The following ADAM28 variants were observed in gnomAD, a reference collection of about 807,000 sequenced individuals.
ADAM28 encodes the protein ADAM metallopeptidase domain 28.
In ADAM28, 105 loss-of-function variants were observed where a neutral mutation model predicts 101.2. That is an observed-to-expected ratio of 1.04 (90% CI 0.89 to 1.22). The LOEUF (loss-of-function observed/expected upper bound fraction) is 1.22. ADAM28 is among the 50% of genes most tolerant of loss of function. The probability of loss-of-function intolerance (pLI) is 0.00; values close to 1 mark genes in which losing one functional copy is unlikely to be tolerated. For synonymous variants in ADAM28, 322 were observed against 310.6 expected, an observed-to-expected ratio of 1.04 and a Z score of -0.39; for missense variants, 1,028 against 945.4, an observed-to-expected ratio of 1.09 and a Z score of -1.15.
At chr8:24,325,871 C>CAAAAAAA (rs5890146) in intron 9 of ADAM28, among the ~76,000 whole-genome samples, 362 of 20,446 alleles carry the variant, frequency 0.018, 8 homozygotes, top group East Asian at 0.02. Context: ...GTACAGATAG[C>CAAAAAAA]AAAAAAAAAA....
intron 2 of ADAM28, chr8:24,308,848 G>A (rs1810052001): frequency 5.4e-6 from 2 of 371,892 alleles, no homozygotes; most frequent in Non-Finnish European, 1.1e-5. Flanking sequence ...AACATGCCTT[G>A]TCTGTCTGTG....
At chr8:24,326,067 A>G (rs952339035) in intron 9 of ADAM28, among the ~76,000 whole-genome samples, 10 of 151,794 alleles carry the variant, frequency 6.6e-5, no homozygotes, top group African/African-American at 2.2e-4. Context: ...AACTTATTTG[A>G]ATAATATAAA....
intron 2 of ADAM28, among the ~76,000 whole-genome samples, chr8:24,302,985 G>A (rs1471343685): frequency 7.2e-6 from 1 of 138,004 alleles, no homozygotes; most frequent in Non-Finnish European, 1.5e-5. Context: ...TGTTCTCATT[G>A]TTCAGGGTTG....
Position 24,353,812 on chromosome 8 carries a change from A to G in ADAM28, c.2287A>G (p.Asn763Asp), listed in dbSNP as rs1816455535. Residue 763 changes from asparagine to aspartate, a missense_variant, in exon 22 of 23, where the codon AAT becomes GAT. Coordinates refer to ENST00000265769, the MANE Select transcript of ADAM28 (RefSeq NM_014265.6). Reference sequence around the variant, plus strand: ...ACTTCCCCCTACTGTTTTCAAGGATAATCCAGTGTCTACACCTAAGGTAAG... The same window carrying G: ...ACTTCCCCCTACTGTTTTCAAGGATGATCCAGTGTCTACACCTAAGGTAAG... ...NALPPTVFKD[N>D]PVSTPKDSNP... is the part of the protein sequence containing the mutation. The G allele has an allele frequency of 6.6e-7, 1 of 1,523,854 alleles. No individual in the cohort carries two copies. The highest frequency in any genetic ancestry group is 9.1e-7 in the Non-Finnish European group (1 of 1,098,348). The allele number at this position is 1,523,854 out of a possible 1,614,324, so 94.4% of individuals were successfully genotyped here. A position where few individuals can be genotyped will look rare whatever the true frequency, so the allele number is the denominator to read the frequency against.
In ADAM28 at chr8:24,305,654, G is replaced by A. The variant is rs56091995; in HGVS notation, c.151-4240G>A. The stretch of plus-strand genomic sequence containing the variant: ...TAAATAAACACCATAGATAATTGAA[G>A]AAAAAATTACCTAAACAATTAGAAC... On this transcript the variant is annotated intron_variant, in intron 2 of 22. Coordinates refer to ENST00000265769, the MANE Select transcript of ADAM28 (RefSeq NM_014265.6). 7.9e-5 allele frequency among the ~76,000 whole-genome samples: 12 copies of A among 151,752 alleles called. No individual in the cohort carries two copies. In the East Asian group the frequency reaches 2.3e-3, roughly 29 times the overall value.
At chr8:24,333,684 G>A (rs1173032352) in intron 13 of ADAM28, among the ~76,000 whole-genome samples, 1 of 152,048 alleles carries the variant, frequency 6.6e-6, no homozygotes, top group Non-Finnish European at 1.5e-5. Context: ...TGTGTGTGGT[G>A]GAAGAGGTTT....
chr8:24,323,830 A>G lies in ADAM28; in HGVS notation c.721-4A>G, dbSNP rs1812195930. ...TTGCTTTGCCATTTATTTTCTTTGG[A>G]CAGCTTTATAAAAAGCTCAATACTC... On this transcript the variant is annotated splice_region_variant and splice_polypyrimidine_tract_variant and intron_variant, in intron 8 of 22. Transcript: ENST00000265769. 6.2e-7 allele frequency: 1 copy of G among 1,601,870 alleles called. No homozygotes were observed. Among genetic ancestry groups the G allele is most frequent in the African/African-American group, 1.3e-5 (1 of 74,300 alleles).
At chr8:24,310,996 A>G (rs891269626) in intron 4 of ADAM28, among the ~76,000 whole-genome samples, 1 of 152,234 alleles carries the variant, frequency 6.6e-6, no homozygotes, top group Non-Finnish European at 1.5e-5. Context: ...AAGCTTGTAG[A>G]TCTTTGCTAG....
chr8:24,320,565 A>G (rs1218167686), intron 7 of ADAM28, among the ~76,000 whole-genome samples: 2 of 151,984 alleles, frequency 1.3e-5, no homozygotes, highest in African/African-American at 4.8e-5. Context: ...ACTTAAGAGT[A>G]CCCAACTTAG....
Position 24,349,990 on chromosome 8 carries a change from C to A in ADAM28, c.2099+18C>A, listed in dbSNP as rs1480284440. 2 of 1,608,658 alleles carry A rather than the reference C, an allele frequency of 1.2e-6. No homozygotes were observed. The highest frequency in any genetic ancestry group is 2.7e-5 in the African/African-American group (2 of 74,730). ...GATCAGAGGTGATCCTTTATCTTAT[C>A]TTGCTGTAGGGACTCTTTGACCCCT... is the stretch of plus-strand genomic sequence containing the variant. On this transcript the variant is annotated intron_variant, in intron 19 of 22. Coordinates refer to ENST00000265769, the MANE Select transcript of ADAM28 (RefSeq NM_014265.6).
chr8:24,298,048 A>C (rs1310455527), intron 1 of ADAM28, among the ~76,000 whole-genome samples: 1 of 152,204 alleles, frequency 6.6e-6, no homozygotes, highest in African/African-American at 2.4e-5. Flanking sequence ...ATCAGAATTC[A>C]GTTATCCTAA....
At chr8:24,345,310 T>C (rs949408279) in intron 18 of ADAM28, among the ~76,000 whole-genome samples, 3 of 152,074 alleles carry the variant, frequency 2.0e-5, no homozygotes, top group Non-Finnish European at 4.4e-5. Context: ...TTCTGGTTTC[T>C]GATTTAGAAA....
intron 8 of ADAM28, 35 bp downstream of exon 8, chr8:24,321,324 G>A (rs751093112): frequency 6.6e-7 from 1 of 1,505,752 alleles, no homozygotes; most frequent in Non-Finnish European, 9.2e-7. Flanking sequence ...GTTTTAAACA[G>A]TTTGCTGGGA....
At chr8:24,324,246 T>C (rs1453967844) in intron 9 of ADAM28, among the ~76,000 whole-genome samples, 1 of 151,908 alleles carries the variant, frequency 6.6e-6, no homozygotes, top group Non-Finnish European at 1.5e-5. Flanking sequence ...AAAAGACAAG[T>C]TTATATAATG....
intron 9 of ADAM28, among the ~76,000 whole-genome samples, chr8:24,325,426 T>C (rs1318505479): frequency 6.6e-6 from 1 of 151,896 alleles, no homozygotes; most frequent in African/African-American, 2.4e-5. Context: ...TTAAAAAAAT[T>C]AGAGTCCGAA....
chr8:24,338,931 A>G (rs533427754), intron 14 of ADAM28, among the ~76,000 whole-genome samples: 1 of 152,262 alleles, frequency 6.6e-6, no homozygotes, highest in Admixed American at 6.5e-5. Flanking sequence ...TTAATCTTCA[A>G]AACAGCTCTT....
chr8:24,336,127 T>C, intron 14 of ADAM28: 1 of 985,810 alleles, frequency 1.0e-6, no homozygotes, highest in Non-Finnish European at 1.2e-6. Context: ...AAAAGAACTC[T>C]GGAAATGCAG....
chr8:24,342,091 T>C (rs1453025763), intron 16 of ADAM28, among the ~76,000 whole-genome samples: 3 of 152,224 alleles, frequency 2.0e-5, no homozygotes, highest in African/African-American at 7.2e-5. Context: ...AGACGAAGTC[T>C]GAAAACTCAC....
intron 2 of ADAM28, among the ~76,000 whole-genome samples, chr8:24,306,393 T>A (rs184440063): frequency 0.035 from 4,855 of 137,868 alleles, 403 homozygotes; most frequent in African/African-American, 0.13. Flanking sequence ...TATTTAAAAA[T>A]ATATATATAT....
Sources: allele counts gnomAD v4.1 joint callset (sites outside exome capture counted in the v4.1 genomes callset), GRCh38; gene constraint gnomAD v4.1.1; transcripts MANE v1.5; gene names NCBI Gene and HGNC (gene_info 2026-07-23, HGNC 2026-07-21).